Variants in CCDC182 observed in about 807,000 individuals in gnomAD.
CCDC182 encodes coiled-coil domain containing 182.
In CCDC182, 1 loss-of-function variant was observed where a neutral mutation model predicts 4.6. The observed-to-expected ratio is 0.22, with a 90% CI of 0.08 to 1.02. CCDC182 has a LOEUF of 1.02. Among genes scored for constraint, CCDC182 ranks in the 50% least tolerant of loss-of-function variants. The pLI, the probability that CCDC182 is intolerant of heterozygous loss-of-function variation, is 0.58. For synonymous variants in CCDC182, 82 were observed against 83.9 expected (o/e 0.98, Z 0.12); for missense variants, 209 against 196.8 (o/e 1.06, Z -0.37).
Position 57,744,568 on chromosome 17 carries a change from T to C in CCDC182, c.*243A>G. On this transcript the variant is annotated 3_prime_UTR_variant, in exon 1 of 1. Coordinates refer to ENST00000299415, the MANE Select transcript of CCDC182 (RefSeq NM_001282544.2). ...AGTACCATTACAAACAGGAAAACAG[T>C]TCAAGTGAAAGTTACAGGGGCCTGA... The C allele has an allele frequency of 2.1e-6, 1 of 487,280 alleles. No homozygotes were observed. Among genetic ancestry groups the C allele is most frequent in the South Asian group, 3.6e-5 (1 of 27,436 alleles). The allele number at this position is 487,280 out of a possible 1,614,324, so 30.2% of individuals were successfully genotyped here. A position where few individuals can be genotyped will look rare whatever the true frequency, so the allele number is the denominator to read the frequency against.
Position 57,744,844 on chromosome 17 carries a change from G to T in CCDC182, c.429C>A (p.Ala143=). 17 of 1,545,810 alleles carry T rather than the reference G, an allele frequency of 1.1e-5. No individual in the cohort carries two copies. Among genetic ancestry groups the T allele is most frequent in the Non-Finnish European group, 1.4e-5 (16 of 1,143,476 alleles). The change falls in exon 1 of 1, where the codon GCC becomes GCA. Residue 143 remains alanine, a synonymous_variant. Coordinates refer to ENST00000299415, the MANE Select transcript of CCDC182 (RefSeq NM_001282544.2). ...EDLLLDRGRD[A]LRATKKSQAD is the part of the protein sequence containing the mutation. The stretch of plus-strand genomic sequence containing the variant: ...CCTGGCTCTTCTTGGTGGCACGCAG[G>T]GCGTCACGTCCCCTGTCCAGCAGCA...
Position 57,744,927 on chromosome 17 carries a change from T to C in CCDC182, c.346A>G (p.Thr116Ala). The part of the protein sequence containing the change: ...DRGIVRNKVL[T>A]FLLPREKQLR... ...TGTTTCTCGCGCGGCAACAGGAAGG[T>C]GAGAACCTTGTTGCGCACGATGCCA... is the stretch of plus-strand genomic sequence containing the variant. The change falls in exon 1 of 1, where the codon ACC (threonine) becomes GCC (alanine). Residue 116 changes from threonine to alanine, a missense_variant. Coordinates refer to ENST00000299415, the MANE Select transcript of CCDC182 (RefSeq NM_001282544.2). 2 of 1,550,494 alleles carry C rather than the reference T, an allele frequency of 1.3e-6. No homozygotes were observed. Among genetic ancestry groups the C allele is most frequent in the South Asian group, 2.4e-5 (2 of 84,060 alleles).
chr17:57,744,542 T>C lies in CCDC182; in HGVS notation c.*269A>G, dbSNP rs1034498685. 6 of 423,166 alleles carry C rather than the reference T, an allele frequency of 1.4e-5. No individual in the cohort carries two copies. The highest frequency in any genetic ancestry group is 2.1e-5 in the Non-Finnish European group (5 of 234,694). The allele number at this position is 423,166 out of a possible 1,614,324, so 26.2% of individuals were successfully genotyped here. ...AAATAAAGAGGTATACATTGAGCAA[T>C]AGTACCATTACAAACAGGAAAACAG... On this transcript the variant is annotated 3_prime_UTR_variant, in exon 1 of 1. Transcript: ENST00000299415.
chr17:57,744,696 C>T lies in CCDC182; in HGVS notation c.*115G>A, dbSNP rs371441962. On this transcript the variant is annotated 3_prime_UTR_variant, in exon 1 of 1. Coordinates refer to ENST00000299415, the MANE Select transcript of CCDC182 (RefSeq NM_001282544.2). ...GCCTCTCAGCAAGGTGTTATTTAGGCAGAAGGAAAGCAATGGAAATGAGGA... is the reference window on the plus strand; with the variant it reads ...GCCTCTCAGCAAGGTGTTATTTAGGTAGAAGGAAAGCAATGGAAATGAGGA... 5.4e-5 allele frequency: 37 copies of T among 684,516 alleles called. No individual in the cohort carries two copies. In the African/African-American group the frequency reaches 6.0e-4, roughly 11 times the overall value. 42.4% of individuals were successfully genotyped at this position (684,516 alleles called of 1,614,324 possible).
rs180882710 is a variant in CCDC182 at position 57,744,619 on chromosome 17, T to A, written c.*192A>T. 8,386 of 582,318 alleles carry A rather than the reference T, an allele frequency of 0.014. 90 individuals are homozygous for A. The highest frequency in any genetic ancestry group is 0.021 in the South Asian group (931 of 45,232). The allele number at this position is 582,318 out of a possible 1,614,324, so 36.1% of individuals were successfully genotyped here. A position where few individuals can be genotyped will look rare whatever the true frequency, so the allele number is the denominator to read the frequency against. ...CTCAGTACTGGGGTGCCTCCTTCCT[T>A]TAGAATGCTGGATAAATGGAATTTC... On this transcript the variant is annotated 3_prime_UTR_variant, in exon 1 of 1. Coordinates refer to ENST00000299415, the MANE Select transcript of CCDC182 (RefSeq NM_001282544.2).
At position 57,744,836 on chromosome 17, in the gene CCDC182, G is replaced by T. The variant is rs1229093531; in HGVS notation, c.437C>A (p.Ala146Asp). ...TCAGTCAGCCTGGCTCTTCTTGGTG[G>T]CACGCAGGGCGTCACGTCCCCTGTC... ...LLDRGRDALR[A>D]TKKSQAD Residue 146 changes from alanine to aspartate, a missense_variant, in exon 1 of 1, where the codon GCC becomes GAC. Coordinates refer to ENST00000299415, the MANE Select transcript of CCDC182 (RefSeq NM_001282544.2). The T allele has an allele frequency of 1.9e-6, 3 of 1,542,376 alleles. No individual in the cohort carries two copies. In the East Asian group the frequency reaches 7.4e-5, roughly 38 times the overall value.
rs957855835 is a variant in CCDC182 at position 57,745,262 on chromosome 17, A to G, written c.11T>C (p.Leu4Pro). MEP[L>P]YQAGSILMTV... ...CATGAGAATGGACCCAGCCTGGTAG[A>G]GGGGTTCCATTGTCTCTTCTACGTT... Residue 4 changes from leucine to proline, a missense_variant, in exon 1 of 1, where the codon CTC becomes CCC. By Grantham distance (98) the Leu-to-Pro change is moderately conservative (BLOSUM62 -3). Transcript: ENST00000299415. The G allele has an allele frequency of 9.5e-5, 146 of 1,542,288 alleles. No homozygotes were observed. Among genetic ancestry groups the G allele is most frequent in the Non-Finnish European group, 1.3e-4 (143 of 1,140,634 alleles).
rs956503655 is a variant in CCDC182 at position 57,745,128 on chromosome 17, C to T, written c.145G>A (p.Glu49Lys). Residue 49 changes from glutamate to lysine, a missense_variant, in exon 1 of 1, where the codon GAG becomes AAG. Coordinates refer to ENST00000299415, the MANE Select transcript of CCDC182 (RefSeq NM_001282544.2). The part of the protein sequence containing the change: ...PSCLPPPADL[E>K]ILQQKVAGVQ... ...CCGGCCACCTTCTGCTGCAGGATCTCCAAGTCAGCGGGTGGTGGGAGGCAG... is the reference window on the plus strand; with the variant it reads ...CCGGCCACCTTCTGCTGCAGGATCTTCAAGTCAGCGGGTGGTGGGAGGCAG... 3 of 1,550,580 alleles carry T rather than the reference C, an allele frequency of 1.9e-6. No individual in the cohort carries two copies. The highest frequency in any genetic ancestry group is 2.6e-6 in the Non-Finnish European group (3 of 1,146,988).
Position 57,744,707 on chromosome 17 carries a change from CA to C in CCDC182, c.*103del. ...AGGTGTTATTTAGGCAGAAGGAAAG[CA>C]ATGGAAATGAGGAAGGGAAAGCAAG... is the stretch of plus-strand genomic sequence containing the variant. On this transcript the variant is annotated 3_prime_UTR_variant, in exon 1 of 1. Transcript: ENST00000299415. 1 of 714,870 alleles carries C rather than the reference CA, an allele frequency of 1.4e-6. No homozygotes were observed. Among genetic ancestry groups the C allele is most frequent in the Non-Finnish European group, 2.3e-6 (1 of 429,594 alleles). The allele number at this position is 714,870 out of a possible 1,614,324, so 44.3% of individuals were successfully genotyped here.
rs1287329734 is a variant in CCDC182, at chr17:57,745,147, G to C, written c.126C>G (p.Leu42=). The change falls in exon 1 of 1, where the codon CTC becomes CTG. Residue 42 remains leucine, a synonymous_variant. Transcript: ENST00000299415. ...FSLSQSWPSC[L]PPPADLEILQ... Reference sequence around the variant, plus strand: ...GGATCTCCAAGTCAGCGGGTGGTGGGAGGCAGGAGGGCCATGACTGGGACA... The same window carrying C: ...GGATCTCCAAGTCAGCGGGTGGTGGCAGGCAGGAGGGCCATGACTGGGACA... 3 of 1,550,680 alleles carry C rather than the reference G, an allele frequency of 1.9e-6. No individual in the cohort carries two copies.
In CCDC182 at chr17:57,744,805, C is replaced by T. The variant is rs774426189; in HGVS notation, c.*6G>A. On this transcript the variant is annotated 3_prime_UTR_variant, in exon 1 of 1. Coordinates refer to ENST00000299415, the MANE Select transcript of CCDC182 (RefSeq NM_001282544.2). ...CTTGGTGCTTGGCTAGTGCCACCCA[C>T]GAGGTTCAGTCAGCCTGGCTCTTCT... 2 of 1,518,824 alleles carry T rather than the reference C, an allele frequency of 1.3e-6. No homozygotes were observed. Among genetic ancestry groups the T allele is most frequent in the East Asian group, 2.5e-5 (1 of 40,376 alleles). 94.1% of individuals were successfully genotyped at this position (1,518,824 alleles called of 1,614,324 possible). A position where few individuals can be genotyped will look rare whatever the true frequency, so the allele number is the denominator to read the frequency against.
rs1315891225 is a variant in CCDC182 at position 57,745,266 on chromosome 17, G to T, written c.7C>A (p.Pro3Thr). Residue 3 changes from proline (P) to threonine (T), a missense_variant, in exon 1 of 1, where the codon CCC (proline) becomes ACC (threonine). Physicochemically the swap from Pro to Thr is conservative, Grantham distance 38 (BLOSUM62 -1). Transcript: ENST00000299415. MEPLYQAGSILMT... is the reference protein window; with the variant it reads METLYQAGSILMT... The stretch of plus-strand genomic sequence containing the variant: ...AGAATGGACCCAGCCTGGTAGAGGG[G>T]TTCCATTGTCTCTTCTACGTTGGAC... 7 of 1,539,858 alleles carry T rather than the reference G, an allele frequency of 4.5e-6. No homozygotes were observed. Among genetic ancestry groups the T allele is most frequent in the Non-Finnish European group, 6.1e-6 (7 of 1,139,026 alleles).
rs1230844757 is a variant in CCDC182 at position 57,744,737 on chromosome 17, G to A, written c.*74C>T. 1.4e-5 allele frequency: 13 copies of A among 956,738 alleles called. No homozygotes were observed. Among genetic ancestry groups the A allele is most frequent in the Non-Finnish European group, 1.7e-5 (11 of 640,904 alleles). The allele number at this position is 956,738 out of a possible 1,614,324, so 59.3% of individuals were successfully genotyped here. ...GAAATGAGGAAGGGAAAGCAAGGGG[G>A]TAGGGACTTGGGGTTTCTCCTTCCG... On this transcript the variant is annotated 3_prime_UTR_variant, in exon 1 of 1. Transcript: ENST00000299415.
In CCDC182 at chr17:57,745,037, G is replaced by T. The variant is rs746067806; in HGVS notation, c.236C>A (p.Ala79Asp). 7.7e-6 allele frequency: 12 copies of T among 1,550,892 alleles called. No individual in the cohort carries two copies. In the African/African-American group the frequency reaches 1.1e-4, roughly 14 times the overall value. Reference sequence around the variant, plus strand: ...CAGGGCTCCATTCATCTCGCAGAAGGCGTCTTCAAGGTAATGAATGGACTT... The same window carrying T: ...CAGGGCTCCATTCATCTCGCAGAAGTCGTCTTCAAGGTAATGAATGGACTT... The part of the protein sequence containing the change: ...ALKSIHYLED[A>D]FCEMNGALVQ... The change falls in exon 1 of 1, where the codon GCC (alanine) becomes GAC (aspartate). Residue 79 changes from alanine (A) to aspartate (D), a missense_variant. By Grantham distance (126) the Ala-to-Asp change is moderately radical (BLOSUM62 -2). Transcript: ENST00000299415.
In CCDC182 at chr17:57,745,067, G is replaced by T; in HGVS notation, c.206C>A (p.Ala69Glu). ...QRELEDFKKE[A>E]LKSIHYLEDA... is the part of the protein sequence containing the mutation. The stretch of plus-strand genomic sequence containing the variant: ...TTCAAGGTAATGAATGGACTTCAAT[G>T]CCTCTTTCTTAAAGTCCTCCAGTTC... Residue 69 changes from alanine (A) to glutamate (E), a missense_variant, in exon 1 of 1, where the codon GCA (alanine) becomes GAA (glutamate). Transcript: ENST00000299415. 6.4e-7 allele frequency: 1 copy of T among 1,550,972 alleles called. No homozygotes were observed. Among genetic ancestry groups the T allele is most frequent in the Non-Finnish European group, 8.7e-7 (1 of 1,147,060 alleles).
chr17:57,745,181 T>C lies in CCDC182; in HGVS notation c.92A>G (p.Asp31Gly), dbSNP rs1282028600. Residue 31 changes from aspartate to glycine, a missense_variant, in exon 1 of 1, where the codon GAC becomes GGC. By Grantham distance (94) the Asp-to-Gly change is moderately conservative. Coordinates refer to ENST00000299415, the MANE Select transcript of CCDC182 (RefSeq NM_001282544.2). ...GGGCCATGACTGGGACAGGGAAAAG[T>C]CTCCAGACTGGAGGCCACTCTCTAT... ...KMIESGLQSGDFSLSQSWPSC... is the reference protein window; with the variant it reads ...KMIESGLQSGGFSLSQSWPSC... 2 of 1,550,530 alleles carry C rather than the reference T, an allele frequency of 1.3e-6. No homozygotes were observed. Among genetic ancestry groups the C allele is most frequent in the Admixed American group, 3.9e-5 (2 of 50,986 alleles).
rs1371856028 is a variant in CCDC182 at position 57,744,993 on chromosome 17, C to G, written c.280G>C (p.Ala94Pro). 9 of 1,550,808 alleles carry G rather than the reference C, an allele frequency of 5.8e-6. No individual in the cohort carries two copies. The East Asian group carries it at 2.2e-4, about 38-fold the overall frequency. ...CTTAGCCGCTGCCTCACGCGAGCCGCCTGCTCCTCCTGTTGCACCAGGGCT... is the reference window on the plus strand; with the variant it reads ...CTTAGCCGCTGCCTCACGCGAGCCGGCTGCTCCTCCTGTTGCACCAGGGCT... ...NGALVQQEEQ[A>P]ARVRQRLREE... Residue 94 changes from alanine (A) to proline (P), a missense_variant, in exon 1 of 1, where the codon GCG (alanine) becomes CCG (proline). Coordinates refer to ENST00000299415, the MANE Select transcript of CCDC182 (RefSeq NM_001282544.2).
rs116619472 is a variant in CCDC182, at chr17:57,744,987, G to C, written c.286C>G (p.Arg96Gly). 2 of 1,550,826 alleles carry C rather than the reference G, an allele frequency of 1.3e-6. No homozygotes were observed. The highest frequency in any genetic ancestry group is 2.4e-5 in the South Asian group (2 of 84,058). The change falls in exon 1 of 1, where the codon CGC becomes GGC. Residue 96 changes from arginine to glycine, a missense_variant. Transcript: ENST00000299415. ...TCCTCCCTTAGCCGCTGCCTCACGC[G>C]AGCCGCCTGCTCCTCCTGTTGCACC... ...ALVQQEEQAA[R>G]VRQRLREEED...
chr17:57,744,647 C>T lies in CCDC182; in HGVS notation c.*164G>A, dbSNP rs901119730. The T allele has an allele frequency of 1.0e-5, 6 of 599,910 alleles. No homozygotes were observed. The African/African-American group carries it at 1.1e-4, about 11-fold the overall frequency. 37.2% of individuals were successfully genotyped at this position (599,910 alleles called of 1,614,324 possible). On this transcript the variant is annotated 3_prime_UTR_variant, in exon 1 of 1. Coordinates refer to ENST00000299415, the MANE Select transcript of CCDC182 (RefSeq NM_001282544.2). ...GAATGCTGGATAAATGGAATTTCAC[C>T]AAAAAAAATATTGAAGTCTTTTTGC...
Sources: gnomAD v4.1 joint callset for allele counts on GRCh38, gnomAD v4.1.1 for gene constraint, MANE v1.5 for transcripts, NCBI Gene and HGNC (gene_info 2026-07-23, HGNC 2026-07-21) for gene names.